The following CCDC27 variants were observed in gnomAD, a reference collection of about 807,000 sequenced individuals.
The protein encoded by CCDC27 is coiled-coil domain containing 27.
Under a neutral mutation model 80.3 loss-of-function variants are expected in CCDC27, and 80 were observed. That is an observed-to-expected ratio of 1.00 (90% confidence interval 0.83 to 1.20). The LOEUF is 1.20. CCDC27 is among the 50% of genes most tolerant of loss of function. The pLI is 0.00. For missense variants in CCDC27, 815 were observed against 809.4 expected (o/e 1.01, Z -0.08); for synonymous variants, 342 against 334.3 (o/e 1.02, Z -0.25).
Position 3,761,308 on chromosome 1 carries a change from C to G in CCDC27, c.739C>G (p.Gln247Glu). 1 of 1,614,104 alleles carries G rather than the reference C, an allele frequency of 6.2e-7. No individual in the cohort carries two copies. The highest frequency in any genetic ancestry group is 8.5e-7 in the Non-Finnish European group (1 of 1,179,996). ...TCACTGCCTGTCTGAGCTGGAGATA[C>G]AGGTTCAGAAGAAAGACGAGGAGAT... ...KDHCLSELEIQVQKKDEEILL... is the reference protein window; with the variant it reads ...KDHCLSELEIEVQKKDEEILL... The change falls in exon 5 of 12, where the codon CAG becomes GAG. Residue 247 changes from glutamine (Q) to glutamate (E), a missense_variant. Gln to Glu is a conservative substitution (Grantham distance 29). Transcript: ENST00000294600. This position sits in a 1 kb window ranked among gnomAD's most constrained non-coding sequence, Gnocchi z 5.0.
Position 3,763,419 on chromosome 1 carries a change from C to T in CCDC27, c.1266C>T (p.Ile422=), listed in dbSNP as rs780727496. ...AGCTGGAGGAGTACGAGCAGGTCATCCTGGACTTCCAGTTCAACCTGGAGG... is the reference window on the plus strand; with the variant it reads ...AGCTGGAGGAGTACGAGCAGGTCATTCTGGACTTCCAGTTCAACCTGGAGG... ...LAQLEEYEQV[I]LDFQFNLEAT... The change falls in exon 7 of 12, where the codon ATC becomes ATT. Residue 422 remains isoleucine, a synonymous_variant. Transcript: ENST00000294600. This position sits in a 1 kb window ranked among gnomAD's most constrained non-coding sequence, Gnocchi z 7.5. The T allele has an allele frequency of 1.6e-5, 25 of 1,611,884 alleles. No individual in the cohort carries two copies. Among genetic ancestry groups the T allele is most frequent in the Non-Finnish European group, 2.1e-5 (25 of 1,179,628 alleles).
rs752996935 is a variant in CCDC27, at chr1:3,752,679, C to T, written c.198C>T (p.Ala66=). 1.9e-6 allele frequency: 3 copies of T among 1,613,868 alleles called. No individual in the cohort carries two copies. The highest frequency in any genetic ancestry group is 4.5e-5 in the East Asian group (2 of 44,892). Residue 66 remains alanine, a synonymous_variant, in exon 1 of 12, where the codon GCC becomes GCT. Transcript: ENST00000294600. ...HSSMSSSMAR[A]LVLLQSMASR... ...CGATGTCCAGCTCGATGGCCAGGGC[C>T]CTGGTGCTCCTCCAGAGCATGGCCA...
Position 3,763,143 on chromosome 1 carries a change from G to A in CCDC27, c.990G>A (p.Lys330=), listed in dbSNP as rs776089710. ...QEESAAPERG[K]EPDLGGGEED... ...AGTCTGCGGCACCGGAGAGGGGCAA[G>A]GAGCCCGACCTGGGAGGTGGCGAGG... is the stretch of plus-strand genomic sequence containing the variant. The change falls in exon 7 of 12, where the codon AAG becomes AAA. Residue 330 remains lysine (K), a synonymous_variant. Transcript: ENST00000294600. This position sits in a 1 kb window ranked among gnomAD's most constrained non-coding sequence, Gnocchi z 7.5. 2.0e-6 allele frequency: 3 copies of A among 1,485,526 alleles called. No homozygotes were observed. The Admixed American group carries it at 7.5e-5, about 37-fold the overall frequency. 92.0% of individuals were successfully genotyped at this position (1,485,526 alleles called of 1,614,324 possible). A position where few individuals can be genotyped will look rare whatever the true frequency, so the allele number is the denominator to read the frequency against.
At chr1:3,756,987 A>G in intron 4 of CCDC27, 97 bp downstream of exon 4, 1 of 1,418,534 alleles carries the variant, frequency 7.0e-7, no homozygotes, top group Non-Finnish European at 9.5e-7. Context: ...TGGTTCTAGT[A>G]TCTGGTTAGC....
chr1:3,761,494 G>T lies in CCDC27; in HGVS notation c.861+64G>T. On this transcript the variant is annotated intron_variant, in intron 5 of 11. Transcript: ENST00000294600. This position sits in a 1 kb window ranked among gnomAD's most constrained non-coding sequence, Gnocchi z 5.0. ...GACGGTTGTTTTCAAAGCGTCCAAA[G>T]CTGCTAGTGACACACAGGCCCCTGG... The T allele has an allele frequency of 6.4e-7, 1 of 1,565,166 alleles. No homozygotes were observed. The highest frequency in any genetic ancestry group is 8.7e-7 in the Non-Finnish European group (1 of 1,154,464).
intron 1 of CCDC27, 117 bp from the exon 2 acceptor site, chr1:3,754,001 T>C: frequency 6.8e-7 from 1 of 1,460,604 alleles, no homozygotes; most frequent in Admixed American, 2.0e-5. Flanking sequence ...ATACGACTCA[T>C]AGGCACCTGC....
At chr1:3,757,042 C>T in intron 4 of CCDC27, 152 bp downstream of exon 4, 1 of 880,868 alleles carries the variant, frequency 1.1e-6, no homozygotes, top group Non-Finnish European at 1.7e-6. Context: ...TCCAGACCCC[C>T]TGCTTTGACA....
chr1:3,771,306 G>A, intron 11 of CCDC27, 95 bp from the exon 12 acceptor site: 1 of 1,505,994 alleles, frequency 6.6e-7, no homozygotes, highest in Non-Finnish European at 9.1e-7. Context: ...GGAGAGGGTG[G>A]CGTCCCGGGC....
chr1:3,756,351 A>AG (rs1642952223), intron 3 of CCDC27: 1 of 159,822 alleles, frequency 6.3e-6, no homozygotes, highest in Non-Finnish European at 1.4e-5. Flanking sequence ...AAAAGAAAAA[A>AG]AAAAAAAGAG....
chr1:3,765,731 G>A (rs1643212135), intron 8 of CCDC27, among the ~76,000 whole-genome samples: 1 of 152,192 alleles, frequency 6.6e-6, no homozygotes, highest in Admixed American at 6.5e-5. Flanking sequence ...TTTGGTGTCT[G>A]TCATTCATCT....
Position 3,766,826 on chromosome 1 carries a change from C to T in CCDC27, c.1530+214C>T, listed in dbSNP as rs554428826. The stretch of plus-strand genomic sequence containing the variant: ...GACTGGACTGGAGGGACCCAGCAAG[C>T]GTTCCCAGTCCTTTTTTTTTTTTTT... On this transcript the variant is annotated intron_variant, in intron 9 of 11. Transcript: ENST00000294600. This position sits in a 1 kb window ranked among gnomAD's most constrained non-coding sequence, Gnocchi z 6.1. Among the ~76,000 whole-genome samples the T allele has an allele frequency of 1.6e-4, 24 of 146,682 alleles. No individual in the cohort carries two copies. The highest frequency in any genetic ancestry group is 3.3e-4 in the African/African-American group (13 of 39,698).
Position 3,761,608 on chromosome 1 carries a change from G to A in CCDC27, c.861+178G>A, listed in dbSNP as rs1162676174. Among the ~76,000 whole-genome samples, 3 of 152,124 alleles carry A rather than the reference G, an allele frequency of 2.0e-5. No homozygotes were observed. Among genetic ancestry groups the A allele is most frequent in the Non-Finnish European group, 2.9e-5 (2 of 68,028 alleles). ...TCTGATCAACAGGCAGGGGAGAGGC[G>A]AACAGAGGCACGAAATGACAAATGA... On this transcript the variant is annotated intron_variant, in intron 5 of 11. Coordinates refer to ENST00000294600, the MANE Select transcript of CCDC27 (RefSeq NM_152492.3). This position sits in a 1 kb window ranked among gnomAD's most constrained non-coding sequence, Gnocchi z 5.0.
In CCDC27 at chr1:3,767,352, G is replaced by A; in HGVS notation, c.1650G>A (p.Trp550Ter). The A allele has an allele frequency of 6.2e-7, 1 of 1,613,996 alleles. No individual in the cohort carries two copies. The highest frequency in any genetic ancestry group is 8.5e-7 in the Non-Finnish European group (1 of 1,180,010). ...TGGACCAGAACCACCTGCAGAGGTG[G>A]AAGCAGCTGCAGGAGGATTTGCAGA... is the stretch of plus-strand genomic sequence containing the variant. The part of the protein sequence containing the change: ...VELDQNHLQR[W>*]KQLQEDLQSK... The change falls in exon 10 of 12, where the codon TGG becomes TGA. Residue 550 changes from tryptophan to a stop codon, truncating the protein, a stop_gained. Transcript: ENST00000294600. LOFTEE classifies it high-confidence loss of function.
Position 3,763,923 on chromosome 1 carries a change from C to A in CCDC27, c.1452+87C>A. 6.5e-7 allele frequency: 1 copy of A among 1,527,524 alleles called. No homozygotes were observed. Among genetic ancestry groups the A allele is most frequent in the Non-Finnish European group, 8.8e-7 (1 of 1,133,162 alleles). The allele number at this position is 1,527,524 out of a possible 1,614,324, so 94.6% of individuals were successfully genotyped here. A position where few individuals can be genotyped will look rare whatever the true frequency, so the allele number is the denominator to read the frequency against. On this transcript the variant is annotated intron_variant, in intron 8 of 11. Transcript: ENST00000294600. This position sits in a 1 kb window ranked among gnomAD's most constrained non-coding sequence, Gnocchi z 7.5. ...CCCGGCAGCTCGGGGCAGGCGCTGC[C>A]CGTCCCATCTACTGATGGAGACTTT...
chr1:3,763,913 C>A lies in CCDC27; in HGVS notation c.1452+77C>A. 1 of 1,551,542 alleles carries A rather than the reference C, an allele frequency of 6.4e-7. No individual in the cohort carries two copies. The highest frequency in any genetic ancestry group is 8.7e-7 in the Non-Finnish European group (1 of 1,145,446). On this transcript the variant is annotated intron_variant, in intron 8 of 11. Coordinates refer to ENST00000294600, the MANE Select transcript of CCDC27 (RefSeq NM_152492.3). The surrounding 1 kb of genome is among the most constrained non-coding windows in gnomAD (Gnocchi z 7.5). Reference sequence around the variant, plus strand: ...TTCATTAACCCCCGGCAGCTCGGGGCAGGCGCTGCCCGTCCCATCTACTGA... The same window carrying A: ...TTCATTAACCCCCGGCAGCTCGGGGAAGGCGCTGCCCGTCCCATCTACTGA...
At chr1:3,767,884 T>C (rs1570720533) in intron 10 of CCDC27, among the ~76,000 whole-genome samples, 2 of 152,260 alleles carry the variant, frequency 1.3e-5, no homozygotes, top group African/African-American at 2.4e-5. Context: ...GACTGCGAAG[T>C]AGTTATCATG....
In CCDC27 at chr1:3,768,748, G is replaced by C. The variant is rs1486125042; in HGVS notation, c.1744-1035G>C. 2.0e-5 allele frequency among the ~76,000 whole-genome samples: 3 copies of C among 152,146 alleles called. No homozygotes were observed. Among genetic ancestry groups the C allele is most frequent in the African/African-American group, 7.2e-5 (3 of 41,446 alleles). On this transcript the variant is annotated intron_variant, in intron 10 of 11. Transcript: ENST00000294600. The surrounding 1 kb of genome is among the most constrained non-coding windows in gnomAD (Gnocchi z 5.6). ...GAACTAGCGCCAAGCCTGATGGTGA[G>C]GCCCCACGGGTGTGGGGAAGTGAGG...
In CCDC27 at chr1:3,761,245, A is replaced by G; in HGVS notation, c.712-36A>G. 1 of 1,605,932 alleles carries G rather than the reference A, an allele frequency of 6.2e-7. No homozygotes were observed. Among genetic ancestry groups the G allele is most frequent in the Non-Finnish European group, 8.5e-7 (1 of 1,175,470 alleles). The stretch of plus-strand genomic sequence containing the variant: ...GGTCAGGGGAAGAGTGTGTGGCTGC[A>G]TGGCCCACGGGGGCTGCCCTTGGTT... On this transcript the variant is annotated intron_variant, in intron 4 of 11. Transcript: ENST00000294600. The surrounding 1 kb of genome is among the most constrained non-coding windows in gnomAD (Gnocchi z 5.0).
Position 3,766,490 on chromosome 1 carries a change from C to G in CCDC27, c.1453-45C>G. ...TAGATGCCGGAATTCAGTCTGTTAT[C>G]TAAACCTGGGAGTCCCCCAAGCCAA... On this transcript the variant is annotated intron_variant, in intron 8 of 11. Coordinates refer to ENST00000294600, the MANE Select transcript of CCDC27 (RefSeq NM_152492.3). This position sits in a 1 kb window ranked among gnomAD's most constrained non-coding sequence, Gnocchi z 6.1. The G allele has an allele frequency of 7.1e-7, 1 of 1,415,386 alleles. No individual in the cohort carries two copies. Among genetic ancestry groups the G allele is most frequent in the Non-Finnish European group, 9.9e-7 (1 of 1,011,370 alleles). 87.7% of individuals were successfully genotyped at this position (1,415,386 alleles called of 1,614,324 possible). A position where few individuals can be genotyped will look rare whatever the true frequency, so the allele number is the denominator to read the frequency against.
Sources: gnomAD v4.1 joint callset for allele counts (sites outside exome capture counted in the v4.1 genomes callset) on GRCh38, gnomAD v4.1.1 for gene constraint, Gnocchi (gnomAD v3.1) non-coding constraint, MANE v1.5 for transcripts, NCBI Gene and HGNC (gene_info 2026-07-23, HGNC 2026-07-21) for gene names.